Variants in GEN1 observed in about 807,000 individuals in gnomAD.
GEN1 encodes the protein GEN1 structure-specific endonuclease.
In GEN1, 64 loss-of-function variants were observed where a neutral mutation model predicts 67.6. The ratio of observed to expected loss-of-function variants is 0.95; its 90% CI spans 0.77 to 1.17. The LOEUF is 1.17. Among genes scored for constraint, GEN1 ranks in the 50% most tolerant of loss-of-function variants. The pLI, the probability that GEN1 is intolerant of heterozygous loss-of-function variation, is 0.00. For missense variants in GEN1, 1,058 were observed against 1,048.3 expected (o/e 1.01, Z -0.13); for synonymous variants, 371 against 359.4 (o/e 1.03, Z -0.37).
rs949112794 is a variant in GEN1 at position 17,786,755 on chromosome 2, T to C, written c.*4816T>C. 6 of 152,200 alleles carry C rather than the reference T, an allele frequency of 3.9e-5. No individual in the cohort carries two copies. The highest frequency in any genetic ancestry group is 7.3e-5 in the Non-Finnish European group (5 of 68,034). 9.4% of individuals were successfully genotyped at this position (152,200 alleles called of 1,614,324 possible). ...AATGTTGAGTTCAGGGTTTTTTTTTTCATTGTTTCCCAAACTAGAATGCAG... is the reference window on the plus strand; with the variant it reads ...AATGTTGAGTTCAGGGTTTTTTTTTCCATTGTTTCCCAAACTAGAATGCAG... On this transcript the variant is annotated 3_prime_UTR_variant, in exon 14 of 14. Coordinates refer to ENST00000381254, the MANE Select transcript of GEN1 (RefSeq NM_001130009.3).
intron 6 of GEN1, among the ~76,000 whole-genome samples, chr2:17,769,410 C>A (rs1672082308): frequency 6.6e-6 from 1 of 152,054 alleles, no homozygotes; most frequent in African/African-American, 2.4e-5. Context: ...CTATTATTAG[C>A]TCACTAAACA....
intron 4 of GEN1, 36 bp from the exon 5 acceptor site, chr2:17,766,543 T>G: frequency 9.1e-7 from 1 of 1,099,892 alleles, no homozygotes; most frequent in Non-Finnish European, 1.4e-6. Flanking sequence ...AAATATGTAC[T>G]TTTTGAGGAT....
At chr2:17,778,727 A>G (rs1029046244) in intron 12 of GEN1, among the ~76,000 whole-genome samples, 1 of 151,900 alleles carries the variant, frequency 6.6e-6, no homozygotes, top group Non-Finnish European at 1.5e-5. Context: ...GTATAGTTGC[A>G]TCTGAAAAAA....
chr2:17,769,961 A>G (rs1672109888), intron 6 of GEN1, among the ~76,000 whole-genome samples: 1 of 152,210 alleles, frequency 6.6e-6, no homozygotes, highest in Non-Finnish European at 1.5e-5. Flanking sequence ...TAAAAAATAC[A>G]TCAAATCACT....
intron 1 of GEN1, among the ~76,000 whole-genome samples, chr2:17,757,231 C>T (rs905655673): frequency 6.7e-6 from 1 of 148,292 alleles, no homozygotes. Flanking sequence ...TTCCAATAAT[C>T]GAATCAGTGC....
chr2:17,774,588 T>G (rs1672342392), intron 11 of GEN1, 187 bp downstream of exon 11: 4 of 323,566 alleles, frequency 1.2e-5, no homozygotes, highest in Non-Finnish European at 2.3e-5. Flanking sequence ...CTTTTCTACT[T>G]CAAACACATA....
In GEN1 at chr2:17,785,929, C is replaced by T. The variant is rs1352610583; in HGVS notation, c.*3990C>T. ...TTTAAATTAAAAAAAAATATACAATCTCCGTCTTCTAGATTTTATAATGAG... is the reference window on the plus strand; with the variant it reads ...TTTAAATTAAAAAAAAATATACAATTTCCGTCTTCTAGATTTTATAATGAG... On this transcript the variant is annotated 3_prime_UTR_variant, in exon 14 of 14. Coordinates refer to ENST00000381254, the MANE Select transcript of GEN1 (RefSeq NM_001130009.3). The T allele has an allele frequency of 6.6e-6, 1 of 152,130 alleles. No individual in the cohort carries two copies. Among genetic ancestry groups the T allele is most frequent in the South Asian group, 2.1e-4 (1 of 4,820 alleles). 9.4% of individuals were successfully genotyped at this position (152,130 alleles called of 1,614,324 possible).
rs775197128 is a variant in GEN1, at chr2:17,781,049, G to A, written c.1837G>A (p.Glu613Lys). 4.8e-5 allele frequency: 78 copies of A among 1,613,760 alleles called. 1 individual carries two copies. In the Middle Eastern group the frequency reaches 6.6e-4, roughly 14 times the overall value. Residue 613 changes from glutamate (E) to lysine (K), a missense_variant, in exon 14 of 14, where the codon GAA becomes AAA. Glu to Lys is a moderately conservative substitution (Grantham distance 56). Coordinates refer to ENST00000381254, the MANE Select transcript of GEN1 (RefSeq NM_001130009.3). Reference protein sequence around the residue: ...RNTFSHDLKSEVESELSAIPD... With the variant: ...RNTFSHDLKSKVESELSAIPD... The stretch of plus-strand genomic sequence containing the variant: ...TACTTTTTCTCATGATTTAAAATCA[G>A]AAGTTGAATCAGAGCTATCAGCCAT...
At chr2:17,762,731 G>A (rs1671746241) in intron 3 of GEN1, among the ~76,000 whole-genome samples, 1 of 152,138 alleles carries the variant, frequency 6.6e-6, no homozygotes, top group Admixed American at 6.6e-5. Flanking sequence ...ACTATACATG[G>A]AAGTGTGATT....
chr2:17,780,566 C>T, intron 13 of GEN1, 55 bp from the exon 14 acceptor site: 15 of 1,186,742 alleles, frequency 1.3e-5, no homozygotes, highest in South Asian at 3.3e-5. Context: ...TATTTTTTAC[C>T]CAAGTTAAAG....
Position 17,760,101 on chromosome 2 carries a change from T to G in GEN1, c.158T>G (p.Leu53Arg). ...ATGGGCAGCGTCATGAAGCCCCACC[T>G]CAGGTATAGTAAAAGCTCTTACAGT... The part of the protein sequence containing the change: ...KMMGSVMKPH[L>R]RNLFFRISYL... The change falls in exon 2 of 14, where the codon CTC becomes CGC. Residue 53 changes from leucine to arginine, a missense_variant. Coordinates refer to ENST00000381254, the MANE Select transcript of GEN1 (RefSeq NM_001130009.3). 1 of 1,613,884 alleles carries G rather than the reference T, an allele frequency of 6.2e-7. No individual in the cohort carries two copies. The highest frequency in any genetic ancestry group is 8.5e-7 in the Non-Finnish European group (1 of 1,179,878).
intron 5 of GEN1, 121 bp from the exon 6 acceptor site, chr2:17,768,617 C>T: frequency 3.0e-6 from 2 of 675,358 alleles, no homozygotes; most frequent in East Asian, 5.4e-5. Context: ...CATATCTTTT[C>T]CTATCTTTAT....
intron 12 of GEN1, among the ~76,000 whole-genome samples, chr2:17,778,581 T>C (rs1030386471): frequency 6.8e-6 from 1 of 147,300 alleles, no homozygotes; most frequent in Non-Finnish European, 1.5e-5. Flanking sequence ...ATAGTAAATA[T>C]GATAAACTTT....
intron 4 of GEN1, among the ~76,000 whole-genome samples, chr2:17,765,939 A>G (rs1358293911): frequency 1.7e-5 from 2 of 116,618 alleles, no homozygotes; most frequent in Non-Finnish European, 3.6e-5. Context: ...GGGAATGTTT[A>G]CTTTCTATAA....
chr2:17,764,841 A>G (rs1671848059), intron 3 of GEN1, 56 bp from the exon 4 acceptor site: 1 of 1,492,438 alleles, frequency 6.7e-7, no homozygotes, highest in Non-Finnish European at 9.2e-7. Flanking sequence ...TTTAATAGTA[A>G]ATAAATGAGC....
chr2:17,773,395 A>G (rs1265681803), intron 10 of GEN1, 96 bp downstream of exon 10: 1 of 716,230 alleles, frequency 1.4e-6, no homozygotes, highest in Non-Finnish European at 2.3e-6. Context: ...GAGGTTTAAA[A>G]TTAAAACAGG....
Position 17,786,534 on chromosome 2 carries a change from A to T in GEN1, c.*4595A>T, listed in dbSNP as rs1040115604. 6.6e-6 allele frequency: 1 copy of T among 152,188 alleles called. No homozygotes were observed. Among genetic ancestry groups the T allele is most frequent in the Non-Finnish European group, 1.5e-5 (1 of 68,032 alleles). 9.4% of individuals were successfully genotyped at this position (152,188 alleles called of 1,614,324 possible). On this transcript the variant is annotated 3_prime_UTR_variant, in exon 14 of 14. Coordinates refer to ENST00000381254, the MANE Select transcript of GEN1 (RefSeq NM_001130009.3). Reference sequence around the variant, plus strand: ...GTTCTTAGGCTTTTCTATGTACAACAGCCAGCTGGAGGCCCAGTGAGTTTA... The same window carrying T: ...GTTCTTAGGCTTTTCTATGTACAACTGCCAGCTGGAGGCCCAGTGAGTTTA...
Position 17,781,451 on chromosome 2 carries a change from G to A in GEN1, c.2239G>A (p.Asp747Asn), listed in dbSNP as rs759133351. The A allele has an allele frequency of 6.2e-7, 1 of 1,613,500 alleles. No individual in the cohort carries two copies. The highest frequency in any genetic ancestry group is 8.5e-7 in the Non-Finnish European group (1 of 1,179,872). Residue 747 changes from aspartate (D) to asparagine (N), a missense_variant, in exon 14 of 14, where the codon GAC (aspartate) becomes AAC (asparagine). Coordinates refer to ENST00000381254, the MANE Select transcript of GEN1 (RefSeq NM_001130009.3). ...AAAAGGAGACCAGCTGCTTCAAGAAGACTATAAAGTCAATACTTCTGTCCC... is the reference window on the plus strand; with the variant it reads ...AAAAGGAGACCAGCTGCTTCAAGAAAACTATAAAGTCAATACTTCTGTCCC... Reference protein sequence around the residue: ...ILKGDQLLQEDYKVNTSVPYS... With the variant: ...ILKGDQLLQENYKVNTSVPYS...
At chr2:17,759,458 C>A (rs989192388) in intron 1 of GEN1, among the ~76,000 whole-genome samples, 3 of 152,102 alleles carry the variant, frequency 2.0e-5, no homozygotes, top group Non-Finnish European at 4.4e-5. Context: ...AAGCCAACGC[C>A]CTTTTAAGAA....
Sources: allele counts gnomAD v4.1 joint callset (sites outside exome capture counted in the v4.1 genomes callset), GRCh38; gene constraint gnomAD v4.1.1; transcripts MANE v1.5; gene names NCBI Gene and HGNC (gene_info 2026-07-23, HGNC 2026-07-21).